ATP2C1: variants seen among roughly 807,000 people sequenced by gnomAD.
The protein encoded by ATP2C1 is ATPase secretory pathway Ca2+ transporting 1, also known as calcium-transporting ATPase type 2C member 1.
ATP2C1 carries 31 observed loss-of-function variants against 120.5 expected under a neutral mutation model. The observed-to-expected ratio is 0.26, with a 90% CI of 0.19 to 0.35. The LOEUF (loss-of-function observed/expected upper bound fraction) is 0.35, where lower values mean the gene tolerates loss of function less well. Among genes scored for constraint, ATP2C1 ranks in the 10% least tolerant of loss-of-function variants. ATP2C1 has a pLI of 1.00. For synonymous variants in ATP2C1, 351 were observed against 358.7 expected (o/e 0.98, Z 0.24); for missense variants, 731 against 1,107.5 (o/e 0.66, Z 4.83).
rs149906915 is a variant in ATP2C1, at chr3:130,995,509, ATCT to A, written c.2058-528_2058-526del. On this transcript the variant is annotated intron_variant, in intron 22 of 27. Transcript: ENST00000510168. Reference sequence around the variant, plus strand: ...CAATGCATGATTTTAATGTTGAAGTATCTTCTTCAGAATAAGAATTTTAATATT... The same window carrying A: ...CAATGCATGATTTTAATGTTGAAGTATCTTCAGAATAAGAATTTTAATATT... Among the ~76,000 whole-genome samples, 748 of 152,296 alleles carry A rather than the reference ATCT, an allele frequency of 4.9e-3. 10 individuals are homozygous for A. The highest frequency in any genetic ancestry group is 0.017 in the African/African-American group (712 of 41,550).
At position 131,008,838 on chromosome 3, in the gene ATP2C1, A is replaced by G. The variant is rs78297501; in HGVS notation, c.2630-7314A>G. On this transcript the variant is annotated intron_variant, in intron 26 of 26. Coordinates refer to the ATP2C1 transcript ENST00000328560. ...AGATTTGATGTCAGTGACTACTCTG[A>G]GTCTCCATCAAGGCCCCCATGTAGA... Among the ~76,000 whole-genome samples the G allele has an allele frequency of 4.6e-3, 698 of 152,294 alleles. 4 individuals are homozygous for G. Among genetic ancestry groups the G allele is most frequent in the African/African-American group, 0.015 (633 of 41,578 alleles).
intron 20 of ATP2C1, among the ~76,000 whole-genome samples, chr3:130,985,890 G>A (rs1275561368): frequency 1.3e-5 from 2 of 151,966 alleles, no homozygotes; most frequent in Non-Finnish European, 2.9e-5. Context: ...TTTTCTATGT[G>A]GCACTGCTGT....
At chr3:131,016,343 A>T (rs1406339754) in exon 27 of ATP2C1, 1 of 1,614,060 alleles carries the variant, frequency 6.2e-7, no homozygotes, top group Non-Finnish European at 8.5e-7. Flanking sequence ...TCCTTACCTA[A>T]ATAAAGAAAC....
chr3:130,937,367 T>C, intron 5 of ATP2C1, 61 bp from the exon 6 acceptor site: 1 of 1,395,712 alleles, frequency 7.2e-7, no homozygotes, highest in Non-Finnish European at 1.0e-6. Flanking sequence ...AAAAATAAAA[T>C]ACAGTTAACA....
intron 18 of ATP2C1, 106 bp downstream of exon 18, chr3:130,975,594 T>C: frequency 7.7e-7 from 1 of 1,305,896 alleles, no homozygotes; most frequent in Non-Finnish European, 1.1e-6. Context: ...ACTTCCAGGA[T>C]TTGTAGAACC....
At chr3:130,866,717 T>C (rs1014796369) in intron 1 of ATP2C1, among the ~76,000 whole-genome samples, 1 of 152,252 alleles carries the variant, frequency 6.6e-6, no homozygotes, top group African/African-American at 2.4e-5. Context: ...TTAAAATAGC[T>C]GGTTTTAGGC....
At chr3:130,941,223 AGTGTGT>A (rs71774561) in intron 7 of ATP2C1, among the ~76,000 whole-genome samples, 4,362 of 144,284 alleles carry the variant, frequency 0.03, 89 homozygotes, top group South Asian at 0.084. Context: ...TGTATTTAAC[AGTGTGT>A]GTGTGTGTGT....
intron 8 of ATP2C1, among the ~76,000 whole-genome samples, chr3:130,947,008 C>G (rs938980882): frequency 6.6e-6 from 1 of 152,206 alleles, no homozygotes; most frequent in Admixed American, 6.5e-5. Flanking sequence ...AACTGTGATT[C>G]AAAGAATGAT....
intron 26 of ATP2C1, among the ~76,000 whole-genome samples, chr3:131,013,316 T>TAA (rs1307238835): frequency 6.6e-6 from 1 of 152,238 alleles, no homozygotes; most frequent in Admixed American, 6.5e-5. Flanking sequence ...TTTTCCATTC[T>TAA]AACTTTTTCA....
intron 12 of ATP2C1, chr3:130,962,953 G>A (rs1427432193): frequency 6.6e-6 from 1 of 151,792 alleles, no homozygotes; most frequent in African/African-American, 2.4e-5. Context: ...GGATGCTAAT[G>A]TACTAGATTA....
chr3:130,861,643 G>GT (rs915303507), intron 1 of ATP2C1, among the ~76,000 whole-genome samples: 9 of 152,174 alleles, frequency 5.9e-5, no homozygotes, highest in African/African-American at 1.9e-4. Context: ...GATATAATGT[G>GT]TTTTTTTATT....
chr3:130,890,813 C>G (rs574930565), upstream of ATP2C1, among the ~76,000 whole-genome samples: 3 of 152,324 alleles, frequency 2.0e-5, no homozygotes, highest in African/African-American at 4.8e-5. Context: ...CTAAACTTGA[C>G]ATTTAGCATG....
At chr3:130,956,014 G>T in intron 10 of ATP2C1, 90 bp from the exon 11 acceptor site, 1 of 843,682 alleles carries the variant, frequency 1.2e-6, no homozygotes, top group Non-Finnish European at 2.1e-6. Context: ...CTTAGGAATT[G>T]CTTTGTCAAG....
intron 17 of ATP2C1, among the ~76,000 whole-genome samples, chr3:130,973,152 A>C (rs2061405283): frequency 6.6e-6 from 1 of 152,180 alleles, no homozygotes; most frequent in Non-Finnish European, 1.5e-5. Flanking sequence ...AATAGGAAGA[A>C]AGAACAGAAA....
intron 20 of ATP2C1, among the ~76,000 whole-genome samples, chr3:130,986,901 T>A (rs1296735361): frequency 3.7e-4 from 15 of 40,680 alleles, no homozygotes; most frequent in African/African-American, 1.3e-3. Flanking sequence ...TAGTTTAGTT[T>A]AGTTTAGTTT....
chr3:130,962,690 G>T (rs1336692091), intron 12 of ATP2C1, among the ~76,000 whole-genome samples: 1 of 136,660 alleles, frequency 7.3e-6, no homozygotes, highest in Admixed American at 7.9e-5. Flanking sequence ...AAGTGATAAT[G>T]CCTGTTTTTC....
intron 2 of ATP2C1, among the ~76,000 whole-genome samples, chr3:130,908,552 A>T (rs1246980179): frequency 6.6e-6 from 1 of 152,046 alleles, no homozygotes; most frequent in Non-Finnish European, 1.5e-5. Context: ...GTTAACAGAG[A>T]TTACTTCTGG....
chr3:130,964,950 T>A lies in ATP2C1; in HGVS notation c.1027T>A (p.Cys343Ser), dbSNP rs758394424. 6.2e-7 allele frequency: 1 copy of A among 1,607,400 alleles called. No individual in the cohort carries two copies. The highest frequency in any genetic ancestry group is 8.5e-7 in the Non-Finnish European group (1 of 1,174,810). ...KKLPIVETLG[C>S]CNVICSDKTG... ...CTTGTAATGATTTAATTCTTTAGGC[T>A]GCTGTAATGTGATTTGTTCAGATAA... The change falls in exon 14 of 28, where the codon TGC (cysteine) becomes AGC (serine). Residue 343 changes from cysteine (C) to serine (S), a missense_variant and splice_region_variant. Around this residue, in one of 3 missense-constraint regions of ATP2C1, gnomAD observed 571 missense variants for 845.9 expected, o/e 0.67. Coordinates refer to ENST00000510168, the MANE Select transcript of ATP2C1 (RefSeq NM_001378687.1).
At chr3:130,914,835 A>G (rs1038917889) in intron 2 of ATP2C1, among the ~76,000 whole-genome samples, 3 of 152,198 alleles carry the variant, frequency 2.0e-5, no homozygotes, top group African/African-American at 7.2e-5. Flanking sequence ...TTGAACATGA[A>G]AACATGGGGA....
Sources: allele counts gnomAD v4.1 joint callset (sites outside exome capture counted in the v4.1 genomes callset), GRCh38; gene constraint gnomAD v4.1.1; regional missense constraint gnomAD v4.1.1; transcripts MANE v1.5; gene names NCBI Gene and HGNC (gene_info 2026-07-23, HGNC 2026-07-21).